The following LPP variants were observed in gnomAD, a reference collection of about 807,000 sequenced individuals.
The protein encoded by LPP is LIM domain containing preferred translocation partner in lipoma.
Under a neutral mutation model 60.4 loss-of-function variants are expected in LPP, and 38 were observed. That is an observed-to-expected ratio of 0.63 (90% CI 0.49 to 0.83). The LOEUF is 0.83. Among genes scored for constraint, LPP ranks in the 40% least tolerant of loss-of-function variants. The pLI is 0.00. For synonymous variants in LPP, 328 were observed against 290.8 expected (o/e 1.13, Z -1.30); for missense variants, 902 against 783.6 (o/e 1.15, Z -1.80).
chr3:188,463,692 A>T (rs1799685306), intron 4 of LPP, among the ~76,000 whole-genome samples: 1 of 152,212 alleles, frequency 6.6e-6, no homozygotes, highest in Non-Finnish European at 1.5e-5. Context: ...AAGCAGTATG[A>T]TATTTAGTCA....
intron 9 of LPP, among the ~76,000 whole-genome samples, chr3:188,817,728 G>A (rs1199286053): frequency 6.6e-6 from 1 of 152,014 alleles, no homozygotes; most frequent in Non-Finnish European, 1.5e-5. Flanking sequence ...TTTGTATACA[G>A]AACAAAAATG....
chr3:188,730,540 G>A (rs923391585), intron 8 of LPP, among the ~76,000 whole-genome samples: 1 of 152,204 alleles, frequency 6.6e-6, no homozygotes, highest in East Asian at 1.9e-4. Context: ...AAGTATGAGT[G>A]AATTTATCAT....
rs1162724036 is a variant in LPP at position 188,878,769 on chromosome 3, A to AC, written c.*4290_*4291insC. The AC allele has an allele frequency of 4.9e-6, 1 of 204,146 alleles. No individual in the cohort carries two copies. The highest frequency in any genetic ancestry group is 7.5e-5 in the East Asian group (1 of 13,286). The allele number at this position is 204,146 out of a possible 1,614,324, so 12.6% of individuals were successfully genotyped here. A position where few individuals can be genotyped will look rare whatever the true frequency, so the allele number is the denominator to read the frequency against. On this transcript the variant is annotated 3_prime_UTR_variant, in exon 12 of 12. Coordinates refer to ENST00000617246, the MANE Select transcript of LPP (RefSeq NM_001375462.1). Reference sequence around the variant, plus strand: ...CAAAAAGTAAAAAAGTAAAAAAAAAAAAAAAAGAAAGAAAGAAAAGAAAGA... The same window carrying AC: ...CAAAAAGTAAAAAAGTAAAAAAAAAACAAAAAAGAAAGAAAGAAAAGAAAGA...
At chr3:188,377,039 T>C (rs1775335501) in intron 3 of LPP, among the ~76,000 whole-genome samples, 1 of 152,240 alleles carries the variant, frequency 6.6e-6, no homozygotes, top group Non-Finnish European at 1.5e-5. Context: ...TGGTCCCCGC[T>C]CTCTTCTGGC....
chr3:188,374,606 G>C (rs1774368057), intron 3 of LPP, among the ~76,000 whole-genome samples: 1 of 152,142 alleles, frequency 6.6e-6, no homozygotes, highest in African/African-American at 2.4e-5. Context: ...GAGATTTTGG[G>C]CTGAGATGAT....
intron 1 of LPP, chr3:188,178,470 A>G (rs1451442319): frequency 6.6e-6 from 1 of 152,216 alleles, no homozygotes; most frequent in Non-Finnish European, 1.5e-5. Context: ...GTTTGTTCAC[A>G]TCACAACTCA....
At chr3:188,370,844 A>AT (rs1275627440) in intron 3 of LPP, among the ~76,000 whole-genome samples, 4 of 151,906 alleles carry the variant, frequency 2.6e-5, no homozygotes, top group Non-Finnish European at 5.9e-5. Context: ...ATGGACCCTG[A>AT]TTTTTCTCAC....
intron 7 of LPP, among the ~76,000 whole-genome samples, chr3:188,667,469 C>T (rs1229284573): frequency 7.2e-6 from 1 of 138,472 alleles, no homozygotes; most frequent in Non-Finnish European, 1.6e-5. Flanking sequence ...CAGAGCGATA[C>T]TCTGTCTCAA....
chr3:188,725,679 T>G (rs1270213389), intron 8 of LPP, among the ~76,000 whole-genome samples: 1 of 152,208 alleles, frequency 6.6e-6, no homozygotes, highest in East Asian at 1.9e-4. Context: ...GCCAGACAAT[T>G]GTTCCAAGCA....
intron 7 of LPP, among the ~76,000 whole-genome samples, chr3:188,671,814 G>T (rs1324051777): frequency 1.3e-5 from 2 of 152,126 alleles, no homozygotes; most frequent in Non-Finnish European, 2.9e-5. Flanking sequence ...GGAGACTCTA[G>T]GCCCGGAATG....
At chr3:188,823,760 A>G (rs558832531) in intron 9 of LPP, among the ~76,000 whole-genome samples, 1 of 152,158 alleles carries the variant, frequency 6.6e-6, no homozygotes, top group East Asian at 1.9e-4. Flanking sequence ...CATAATTTGT[A>G]TTAGTCCAAA....
chr3:188,495,213 T>A (rs891892562), intron 5 of LPP, among the ~76,000 whole-genome samples: 61 of 142,948 alleles, frequency 4.3e-4, no homozygotes, highest in East Asian at 1.0e-3. Flanking sequence ...ATATATATAT[T>A]TTTTTTTGCA....
At chr3:188,212,018 CT>C (rs1208332620) in intron 1 of LPP, among the ~76,000 whole-genome samples, 3 of 152,048 alleles carry the variant, frequency 2.0e-5, no homozygotes, top group Non-Finnish European at 4.4e-5. Flanking sequence ...ACCACCATGC[CT>C]GGCTAATTTT....
chr3:188,315,346 G>T (rs1754716475), intron 2 of LPP, among the ~76,000 whole-genome samples: 1 of 151,932 alleles, frequency 6.6e-6, no homozygotes, highest in Non-Finnish European at 1.5e-5. Flanking sequence ...AATAGCTTTT[G>T]CATTTATGTG....
intron 9 of LPP, among the ~76,000 whole-genome samples, chr3:188,862,719 ATAAAT>A (rs1282332581): frequency 7.7e-5 from 7 of 91,122 alleles, no homozygotes; most frequent in African/African-American, 2.6e-4. Context: ...AGACAAAAAA[ATAAAT>A]AAATAAATAA....
chr3:188,724,795 A>G (rs554865390), intron 8 of LPP, among the ~76,000 whole-genome samples: 23 of 152,306 alleles, frequency 1.5e-4, no homozygotes, highest in Non-Finnish European at 1.6e-4. Flanking sequence ...ACTTTTAACG[A>G]TCCATGCCTA....
intron 7 of LPP, among the ~76,000 whole-genome samples, chr3:188,658,694 A>G (rs555287147): frequency 6.6e-6 from 1 of 152,338 alleles, no homozygotes; most frequent in Non-Finnish European, 1.5e-5. Flanking sequence ...TTGACTGTTT[A>G]GAGCTTCCTA....
intron 2 of LPP, among the ~76,000 whole-genome samples, chr3:188,252,465 A>G (rs1730220499): frequency 6.6e-6 from 1 of 150,422 alleles, no homozygotes; most frequent in Non-Finnish European, 1.5e-5. Context: ...ATATCATTGG[A>G]TATATTTTTG....
intron 2 of LPP, among the ~76,000 whole-genome samples, chr3:188,251,069 TTTTC>T (rs1729444152): frequency 7.5e-6 from 1 of 133,226 alleles, no homozygotes. Context: ...CTCTCTGTCT[TTTTC>T]TTTCTTTCTC....
Sources: allele counts gnomAD v4.1 joint callset (sites outside exome capture counted in the v4.1 genomes callset), GRCh38; gene constraint gnomAD v4.1.1; transcripts MANE v1.5; gene names NCBI Gene and HGNC (gene_info 2026-07-23, HGNC 2026-07-21).